TENM3: variants seen among roughly 807,000 people sequenced by gnomAD.
TENM3 encodes teneurin-3.
In TENM3, 63 loss-of-function variants were observed where a neutral mutation model predicts 255.1. The ratio of observed to expected loss-of-function variants is 0.25; its 90% CI spans 0.20 to 0.30. TENM3 has a LOEUF of 0.30. TENM3 is among the 10% of genes least tolerant of loss of function. The pLI is 1.00. For missense variants in TENM3, 2,929 were observed against 3,461.1 expected, an observed-to-expected ratio of 0.85 and a Z score of 3.86; for synonymous variants, 1,306 against 1,322.3, an observed-to-expected ratio of 0.99 and a Z score of 0.27.
the TENM3 span, among the ~76,000 whole-genome samples, chr4:181,763,667 A>G: frequency 6.6e-6 from 1 of 152,198 alleles, no homozygotes; most frequent in Non-Finnish European, 1.5e-5. Context: ...CAGACACTGT[A>G]TGCCTTGCAA....
the TENM3 span, among the ~76,000 whole-genome samples, chr4:181,632,663 A>T: frequency 6.6e-6 from 1 of 152,138 alleles, no homozygotes; most frequent in African/African-American, 2.4e-5. Context: ...CCTCAGTGTG[A>T]ATCACACATG....
intron 1 of TENM3, among the ~76,000 whole-genome samples, chr4:182,304,907 G>A (rs892451271): frequency 1.3e-5 from 2 of 152,122 alleles, no homozygotes; most frequent in East Asian, 1.9e-4. Flanking sequence ...CAGGTGCTAC[G>A]ACAGTGATTC....
the TENM3 span, among the ~76,000 whole-genome samples, chr4:182,095,232 T>C: frequency 6.6e-6 from 1 of 152,236 alleles, no homozygotes; most frequent in Non-Finnish European, 1.5e-5. Flanking sequence ...ACTCCCATGT[T>C]TAATGCAGTA....
intron 12 of TENM3, among the ~76,000 whole-genome samples, chr4:182,695,852 C>T (rs1757358355): frequency 6.6e-6 from 1 of 152,138 alleles, no homozygotes; most frequent in Non-Finnish European, 1.5e-5. Flanking sequence ...ATAAACATGC[C>T]ATAGCTTTTT....
At chr4:181,552,671 CT>C in the TENM3 span, among the ~76,000 whole-genome samples, 5 of 151,962 alleles carry the variant, frequency 3.3e-5, no homozygotes, top group Non-Finnish European at 7.4e-5. Context: ...GGAAAATGGG[CT>C]TTATTATTAT....
intron 3 of TENM3, among the ~76,000 whole-genome samples, chr4:182,557,262 G>A (rs1742669184): frequency 6.6e-6 from 1 of 152,152 alleles, no homozygotes; most frequent in African/African-American, 2.4e-5. Context: ...TTAATGGTTA[G>A]TGCATTTGTT....
chr4:182,264,005 G>A (rs1436255293), intron 1 of TENM3, among the ~76,000 whole-genome samples: 2 of 152,334 alleles, frequency 1.3e-5, no homozygotes, highest in African/African-American at 2.4e-5. Flanking sequence ...GATCACTAGG[G>A]CCGCTCAGGG....
chr4:182,593,697 G>A (rs1194035236), intron 3 of TENM3, among the ~76,000 whole-genome samples: 13 of 152,146 alleles, frequency 8.5e-5, no homozygotes, highest in Admixed American at 4.6e-4. Flanking sequence ...TGCTGAAAGC[G>A]AATGCCAGCC....
At chr4:182,392,682 G>A (rs1768519562) in intron 3 of TENM3, among the ~76,000 whole-genome samples, 1 of 142,450 alleles carries the variant, frequency 7.0e-6, no homozygotes, top group South Asian at 2.2e-4. Flanking sequence ...TGGGGCGGGG[G>A]TGGAAACAGA....
At chr4:181,574,674 T>C in the TENM3 span, among the ~76,000 whole-genome samples, 1 of 152,110 alleles carries the variant, frequency 6.6e-6, no homozygotes, top group Admixed American at 6.6e-5. Context: ...ACCATGGAAA[T>C]AAAATTAATT....
chr4:181,736,888 A>T, the TENM3 span, among the ~76,000 whole-genome samples: 1 of 151,448 alleles, frequency 6.6e-6, no homozygotes, highest in Non-Finnish European at 1.5e-5. Flanking sequence ...TCTTGTCCTG[A>T]AGCCGCCATC....
At chr4:181,954,156 GTTTATC>G in the TENM3 span, among the ~76,000 whole-genome samples, 2 of 152,022 alleles carry the variant, frequency 1.3e-5, no homozygotes, top group African/African-American at 2.4e-5. Flanking sequence ...ACTATAATTT[GTTTATC>G]TTTATATTTG....
intron 1 of TENM3, among the ~76,000 whole-genome samples, chr4:182,227,637 C>CTTTTTTTTTT (rs531262242): frequency 7.9e-6 from 1 of 127,284 alleles, no homozygotes; most frequent in Non-Finnish European, 1.7e-5. Flanking sequence ...ATGTGCAGGG[C>CTTTTTTTTTT]TTTTTTTTTT....
chr4:182,622,171 C>G (rs1243255867), intron 4 of TENM3, among the ~76,000 whole-genome samples: 1 of 151,828 alleles, frequency 6.6e-6, no homozygotes, highest in African/African-American at 2.4e-5. Flanking sequence ...ACCAGCCTGG[C>G]CAACATGATG....
the TENM3 span, among the ~76,000 whole-genome samples, chr4:181,786,861 T>C: frequency 6.6e-6 from 1 of 151,946 alleles, no homozygotes; most frequent in Non-Finnish European, 1.5e-5. Flanking sequence ...TGTTTGGGGG[T>C]AGAGCTTGCT....
the TENM3 span, among the ~76,000 whole-genome samples, chr4:181,684,047 G>T: frequency 6.6e-6 from 1 of 152,192 alleles, no homozygotes. Flanking sequence ...GGAGAAGGAC[G>T]GCTCTGGGAT....
chr4:182,713,812 A>G (rs1158334846), intron 12 of TENM3, among the ~76,000 whole-genome samples: 1 of 152,222 alleles, frequency 6.6e-6, no homozygotes, highest in Non-Finnish European at 1.5e-5. Context: ...AAAAAATTTA[A>G]GTTAATTTTG....
At position 182,789,708 on chromosome 4, in the gene TENM3, T is replaced by C. The variant is rs947538469; in HGVS notation, c.5601+319T>C. ...ATTAGACCTTGAGCGTGTAAGTCGC[T>C]TGTAAATAATTTTCGTGCTAGCTCT... On this transcript the variant is annotated intron_variant, in intron 25 of 27. Transcript: ENST00000511685. The surrounding 1 kb of genome is among the most constrained non-coding windows in gnomAD (Gnocchi z 4.4). 1.3e-5 allele frequency among the ~76,000 whole-genome samples: 2 copies of C among 152,246 alleles called. No individual in the cohort carries two copies.
chr4:181,959,349 G>A, the TENM3 span, among the ~76,000 whole-genome samples: 1 of 152,132 alleles, frequency 6.6e-6, no homozygotes, highest in Admixed American at 6.6e-5. Flanking sequence ...CACTGAAGCT[G>A]GGGGCAGCCT....
Sources: allele counts gnomAD v4.1 joint callset (sites outside exome capture counted in the v4.1 genomes callset), GRCh38; gene constraint gnomAD v4.1.1; non-coding constraint Gnocchi (gnomAD v3.1); transcripts MANE v1.5; gene names NCBI Gene and HGNC (gene_info 2026-07-23, HGNC 2026-07-21).